The following COA1 variants were observed in gnomAD, a reference collection of about 807,000 sequenced individuals.
COA1 encodes cytochrome c oxidase assembly factor 1 homolog.
Under a neutral mutation model 16.0 loss-of-function variants are expected in COA1, and 13 were observed. The observed-to-expected ratio is 0.81, with a 90% confidence interval of 0.53 to 1.29. The LOEUF is 1.29. Ranked by LOEUF, COA1 falls within the 50% of genes most tolerant of loss-of-function variation. The pLI is 0.00. For synonymous variants in COA1, 65 were observed against 65.7 expected, an observed-to-expected ratio of 0.99 and a Z score of 0.05; for missense variants, 179 against 177.0, an observed-to-expected ratio of 1.01 and a Z score of -0.06.
At chr7:43,714,659 A>G (rs575644099) in intron 1 of COA1, among the ~76,000 whole-genome samples, 94 of 151,828 alleles carry the variant, frequency 6.2e-4, no homozygotes, top group Non-Finnish European at 8.4e-4. Flanking sequence ...TATTGAGAAA[A>G]TGTATAAAAA....
chr7:43,622,285 T>C (rs894666812), intron 6 of COA1: 5 of 151,478 alleles, frequency 3.3e-5, no homozygotes, highest in Non-Finnish European at 7.3e-5. Context: ...CACTCAACCA[T>C]TTCAGAAATC....
rs35904103 is a variant in COA1, at chr7:43,694,620, G to A, written c.-39+34809C>T. ...CTCACTCTTGGTTCTCCTCCTTATTGAGCAATTCTTTTCCATCTCTGTTAT... is the reference window on the plus strand; with the variant it reads ...CTCACTCTTGGTTCTCCTCCTTATTAAGCAATTCTTTTCCATCTCTGTTAT... On this transcript the variant is annotated intron_variant, in intron 1 of 5. Transcript: ENST00000223336. Among the ~76,000 whole-genome samples the A allele has an allele frequency of 9.1e-3, 1,392 of 152,162 alleles. 7 individuals are homozygous for A. Among genetic ancestry groups the A allele is most frequent in the South Asian group, 0.014 (68 of 4,824 alleles).
At chr7:43,690,378 TAAAGAA>T (rs1001438829) in intron 1 of COA1, among the ~76,000 whole-genome samples, 6 of 152,016 alleles carry the variant, frequency 3.9e-5, no homozygotes, top group African/African-American at 1.2e-4. Context: ...AACGAGTGGA[TAAAGAA>T]AATGTGGTAT....
intron 3 of COA1, 153 bp from the exon 4 acceptor site, chr7:43,645,552 T>C: frequency 1.5e-6 from 1 of 665,044 alleles, no homozygotes; most frequent in Non-Finnish European, 2.5e-6. Flanking sequence ...TACTCTAAAT[T>C]GTCCATTTTA....
At chr7:43,677,763 T>C (rs906109705) in intron 1 of COA1, among the ~76,000 whole-genome samples, 1 of 138,716 alleles carries the variant, frequency 7.2e-6, no homozygotes, top group African/African-American at 2.8e-5. Context: ...CATATACCAC[T>C]GCACTCTAGC....
At chr7:43,613,144 T>G (rs777198850) in intron 6 of COA1, among the ~76,000 whole-genome samples, 5 of 152,182 alleles carry the variant, frequency 3.3e-5, no homozygotes, top group African/African-American at 7.2e-5. Context: ...TCAAATGGTG[T>G]TGTACTGGTT....
chr7:43,715,006 T>TAAAAAA (rs755827781), intron 1 of COA1, among the ~76,000 whole-genome samples: 1 of 95,776 alleles, frequency 1.0e-5, no homozygotes, highest in South Asian at 4.1e-4. Context: ...GCCTCTTGTC[T>TAAAAAA]AAAAAAAAAA....
intron 1 of COA1, among the ~76,000 whole-genome samples, chr7:43,671,622 A>G (rs2093269349): frequency 6.6e-6 from 1 of 152,230 alleles, no homozygotes; most frequent in South Asian, 2.1e-4. Context: ...GCTGCAGGCC[A>G]TGAGATAAAT....
intron 1 of COA1, chr7:43,658,928 G>A: frequency 6.6e-6 from 1 of 152,486 alleles, no homozygotes; most frequent in East Asian, 1.9e-4. Context: ...AAGAGGGCAG[G>A]GTCTTCATCA....
chr7:43,727,292 G>A (rs1205554454), intron 1 of COA1, among the ~76,000 whole-genome samples: 2 of 152,182 alleles, frequency 1.3e-5, no homozygotes, highest in Non-Finnish European at 2.9e-5. Context: ...GCACACTGAT[G>A]CTTTGGAAAA....
chr7:43,726,612 C>T (rs994741439), intron 1 of COA1, among the ~76,000 whole-genome samples: 1 of 152,184 alleles, frequency 6.6e-6, no homozygotes, highest in Non-Finnish European at 1.5e-5. Context: ...ATGCTCCTCA[C>T]GGGTTCTTTC....
intron 1 of COA1, among the ~76,000 whole-genome samples, chr7:43,667,397 T>A (rs1226412125): frequency 6.6e-6 from 1 of 152,236 alleles, no homozygotes; most frequent in African/African-American, 2.4e-5. Context: ...TTAAGTTATA[T>A]TTTGGTGAAT....
At chr7:43,688,477 G>A (rs980300050) in intron 1 of COA1, among the ~76,000 whole-genome samples, 2 of 151,990 alleles carry the variant, frequency 1.3e-5, no homozygotes, top group African/African-American at 2.4e-5. Flanking sequence ...TTTATCAAAT[G>A]TATCACTATT....
intron 6 of COA1, among the ~76,000 whole-genome samples, chr7:43,614,279 G>A (rs2083147798): frequency 6.6e-6 from 1 of 152,122 alleles, no homozygotes; most frequent in Non-Finnish European, 1.5e-5. Context: ...ACCGTCTGCA[G>A]GTTTTCTGCC....
chr7:43,684,741 C>G (rs776937042), intron 1 of COA1, among the ~76,000 whole-genome samples: 2 of 152,110 alleles, frequency 1.3e-5, no homozygotes, highest in Non-Finnish European at 2.9e-5. Context: ...TACTTGACTG[C>G]TTGCTCAAAA....
At chr7:43,654,324 G>A (rs895354420) in intron 1 of COA1, among the ~76,000 whole-genome samples, 1 of 152,164 alleles carries the variant, frequency 6.6e-6, no homozygotes, top group African/African-American at 2.4e-5. Context: ...GTAAGGAGAG[G>A]CAGGATTGGC....
At chr7:43,707,586 G>A (rs2095042153) in intron 1 of COA1, among the ~76,000 whole-genome samples, 2 of 152,018 alleles carry the variant, frequency 1.3e-5, no homozygotes, top group Admixed American at 1.3e-4. Context: ...GTTCTGTACT[G>A]TCTGATTTTA....
intron 6 of COA1, among the ~76,000 whole-genome samples, chr7:43,628,133 T>A (rs949332666): frequency 1.3e-5 from 2 of 152,054 alleles, no homozygotes; most frequent in African/African-American, 4.8e-5. Flanking sequence ...ATTACAGGCA[T>A]GCGCCACCAC....
chr7:43,709,581 A>G (rs2131676807), intron 1 of COA1, among the ~76,000 whole-genome samples: 1 of 152,218 alleles, frequency 6.6e-6, no homozygotes, highest in East Asian at 1.9e-4. Flanking sequence ...CTACATATTC[A>G]CATGTCTATT....
Sources: allele counts gnomAD v4.1 joint callset (sites outside exome capture counted in the v4.1 genomes callset), GRCh38; gene constraint gnomAD v4.1.1; transcripts MANE v1.5; gene names NCBI Gene and HGNC (gene_info 2026-07-23, HGNC 2026-07-21).